Variants in ANKIB1 observed in about 807,000 individuals in gnomAD.
ANKIB1 encodes the protein ankyrin repeat and IBR domain-containing protein 1.
Under a neutral mutation model 122.1 loss-of-function variants are expected in ANKIB1, and 43 were observed. The ratio of observed to expected loss-of-function variants is 0.35; its 90% CI spans 0.28 to 0.45. ANKIB1 has a LOEUF of 0.45. Ranked by LOEUF, ANKIB1 falls within the 20% of genes least tolerant of loss-of-function variation. The pLI is 1.00. For missense variants in ANKIB1, 992 were observed against 1,329.5 expected, an observed-to-expected ratio of 0.75 and a Z score of 3.95; for synonymous variants, 390 against 442.0, an observed-to-expected ratio of 0.88 and a Z score of 1.48.
At chr7:92,249,031 G>A (rs1801264454) in intron 1 of ANKIB1, among the ~76,000 whole-genome samples, 1 of 151,764 alleles carries the variant, frequency 6.6e-6, no homozygotes, top group African/African-American at 2.4e-5. Context: ...GGGACTACAG[G>A]TGCCCGCCAC....
chr7:92,285,689 G>A (rs967327243), intron 1 of ANKIB1, among the ~76,000 whole-genome samples: 1 of 152,138 alleles, frequency 6.6e-6, no homozygotes, highest in Non-Finnish European at 1.5e-5. Flanking sequence ...ACATAACACT[G>A]AATTACATTG....
chr7:92,336,750 C>T (rs1803298079), intron 5 of ANKIB1, among the ~76,000 whole-genome samples: 1 of 152,022 alleles, frequency 6.6e-6, no homozygotes, highest in Non-Finnish European at 1.5e-5. Flanking sequence ...GTTGTCTGCC[C>T]ACAGAGAAAA....
chr7:92,328,019 A>G, intron 5 of ANKIB1, 119 bp downstream of exon 5: 1 of 664,472 alleles, frequency 1.5e-6, no homozygotes, highest in Non-Finnish European at 2.5e-6. Context: ...AAAAAAGCCT[A>G]AGTTGTGTTT....
At chr7:92,300,127 A>G (rs930187793) in intron 2 of ANKIB1, among the ~76,000 whole-genome samples, 5 of 152,154 alleles carry the variant, frequency 3.3e-5, no homozygotes, top group Non-Finnish European at 7.4e-5. Context: ...TTAAAATCGT[A>G]TAAGGGTCTT....
chr7:92,372,986 G>A (rs183885998), intron 11 of ANKIB1, among the ~76,000 whole-genome samples: 2 of 151,984 alleles, frequency 1.3e-5, no homozygotes, highest in Middle Eastern at 3.4e-3. Context: ...TTTTAACTTT[G>A]AGGCTTAATG....
intron 11 of ANKIB1, among the ~76,000 whole-genome samples, chr7:92,375,316 A>T (rs1804356162): frequency 6.6e-6 from 1 of 152,152 alleles, no homozygotes; most frequent in Admixed American, 6.5e-5. Context: ...GCCTTTCACA[A>T]TATAATACTG....
intron 10 of ANKIB1, among the ~76,000 whole-genome samples, chr7:92,370,522 A>G: frequency 6.7e-6 from 1 of 148,994 alleles, no homozygotes; most frequent in Non-Finnish European, 1.5e-5. Context: ...AAAAAAAAAA[A>G]AAAAAAAAAA....
chr7:92,379,579 G>A (rs558809706), intron 11 of ANKIB1, among the ~76,000 whole-genome samples: 7 of 152,182 alleles, frequency 4.6e-5, no homozygotes, highest in South Asian at 2.1e-4. Flanking sequence ...ACAAAGATAC[G>A]TGGGAATCTA....
At chr7:92,288,035 CA>C (rs35766675) in intron 1 of ANKIB1, among the ~76,000 whole-genome samples, 45,085 of 90,214 alleles carry the variant, frequency 0.5, 7,381 homozygotes, top group Middle Eastern at 0.54. Flanking sequence ...GACTCCGTCT[CA>C]AAAAAAAAAA....
chr7:92,293,977 C>A (rs146220372), intron 1 of ANKIB1, among the ~76,000 whole-genome samples: 109 of 152,234 alleles, frequency 7.2e-4, no homozygotes, highest in South Asian at 1.7e-3. Flanking sequence ...CACAGCCATA[C>A]CTAAGAAATG....
At chr7:92,336,299 T>A (rs943788310) in intron 5 of ANKIB1, among the ~76,000 whole-genome samples, 1 of 152,038 alleles carries the variant, frequency 6.6e-6, no homozygotes, top group Non-Finnish European at 1.5e-5. Context: ...TTTAGAATTG[T>A]TTTTCAGTTC....
chr7:92,342,926 A>T, intron 5 of ANKIB1, 98 bp from the exon 6 acceptor site: 2 of 1,132,900 alleles, frequency 1.8e-6, no homozygotes, highest in Admixed American at 1.9e-5. Flanking sequence ...TCTTTAGATG[A>T]CCAAAATTTG....
rs767255770 is a variant in ANKIB1 at position 92,398,588 on chromosome 7, T to C, written c.2909T>C (p.Leu970Pro). 7 of 1,613,932 alleles carry C rather than the reference T, an allele frequency of 4.3e-6. No individual in the cohort carries two copies. In the South Asian group the frequency reaches 7.7e-5, roughly 18 times the overall value. ...GACCCCAACATCAATGACAATCTTC[T>C]CGGCAACATCATGGCTTGGTTTCAT... The part of the protein sequence containing the change: ...GQDPNINDNL[L>P]GNIMAWFHDM... The change falls in exon 20 of 20, where the codon CTC (leucine) becomes CCC (proline). Residue 970 changes from leucine to proline, a missense_variant. Physicochemically the swap from Leu to Pro is moderately conservative, Grantham distance 98. Coordinates refer to ENST00000265742, the MANE Select transcript of ANKIB1 (RefSeq NM_019004.2).
Position 92,306,278 on chromosome 7 carries a change from G to A in ANKIB1, c.189-1081G>A, listed in dbSNP as rs191657376. Reference sequence around the variant, plus strand: ...TGTTGGCAGCACTGCATTCCTTTTGGAGGCTCCAGGGTAGAATCCCTTCCC... The same window carrying A: ...TGTTGGCAGCACTGCATTCCTTTTGAAGGCTCCAGGGTAGAATCCCTTCCC... On this transcript the variant is annotated intron_variant, in intron 2 of 19. Coordinates refer to ENST00000265742, the MANE Select transcript of ANKIB1 (RefSeq NM_019004.2). Among the ~76,000 whole-genome samples, 1,096 of 152,100 alleles carry A rather than the reference G, an allele frequency of 7.2e-3. 10 individuals carry two copies. Among genetic ancestry groups the A allele is most frequent in the Non-Finnish European group, 8.2e-3 (557 of 67,974 alleles).
At chr7:92,282,384 T>C (rs534251340) in intron 1 of ANKIB1, among the ~76,000 whole-genome samples, 1 of 152,228 alleles carries the variant, frequency 6.6e-6, no homozygotes, top group Admixed American at 6.5e-5. Flanking sequence ...TGCCAAGCAA[T>C]CCACCTACCT....
intron 3 of ANKIB1, among the ~76,000 whole-genome samples, chr7:92,315,662 G>A (rs1301484670): frequency 6.6e-6 from 1 of 152,168 alleles, no homozygotes; most frequent in Non-Finnish European, 1.5e-5. Flanking sequence ...ATCATGTAAT[G>A]TGCTGCAGAA....
rs188712506 is a variant in ANKIB1, at chr7:92,329,374, A to C, written c.787+1474A>C. ...TAAATAAGAATTGCCTGGGAAACTA[A>C]ATGGAGATTCCTAGGAATAACCCCA... On this transcript the variant is annotated intron_variant, in intron 5 of 19. Transcript: ENST00000265742. 4.6e-5 allele frequency among the ~76,000 whole-genome samples: 7 copies of C among 152,248 alleles called. No individual in the cohort carries two copies. The East Asian group carries it at 1.4e-3, about 29-fold the overall frequency.
At chr7:92,307,961 G>A (rs568437376) in intron 3 of ANKIB1, among the ~76,000 whole-genome samples, 14 of 151,432 alleles carry the variant, frequency 9.2e-5, no homozygotes, top group Admixed American at 2.6e-4. Flanking sequence ...CTACAGGCAC[G>A]CGCCACAATT....
intron 7 of ANKIB1, among the ~76,000 whole-genome samples, chr7:92,347,063 A>G (rs1234552390): frequency 2.0e-5 from 3 of 152,206 alleles, no homozygotes; most frequent in Non-Finnish European, 4.4e-5. Flanking sequence ...GCACATAGAA[A>G]AAGAAACTCC....
Sources: gnomAD v4.1 joint callset for allele counts (sites outside exome capture counted in the v4.1 genomes callset) on GRCh38, gnomAD v4.1.1 for gene constraint, MANE v1.5 for transcripts, NCBI Gene and HGNC (gene_info 2026-07-23, HGNC 2026-07-21) for gene names.